GRIK1: variants seen among roughly 807,000 people sequenced by gnomAD.
The protein encoded by GRIK1 is glutamate receptor ionotropic, kainate 1.
Under a neutral mutation model 105.7 loss-of-function variants are expected in GRIK1, and 69 were observed. The ratio of observed to expected loss-of-function variants is 0.65; its 90% CI spans 0.54 to 0.80. GRIK1 has a LOEUF of 0.80. Among genes scored for constraint, GRIK1 ranks in the 30% least tolerant of loss-of-function variants. GRIK1 has a pLI of 0.00. For missense variants in GRIK1, 1,109 were observed against 1,167.3 expected, an observed-to-expected ratio of 0.95 and a Z score of 0.73; for synonymous variants, 438 against 431.3, an observed-to-expected ratio of 1.02 and a Z score of -0.19.
In GRIK1 at chr21:29,894,209, A is replaced by G. The variant is rs117279654; in HGVS notation, c.118+45174T>C. Among the ~76,000 whole-genome samples the G allele has an allele frequency of 1.6e-3, 248 of 152,290 alleles. 1 individual carries two copies. In the East Asian group the frequency reaches 0.033, roughly 20 times the overall value. Reference sequence around the variant, plus strand: ...TTAAGGAGAATTGACTCTCATGATCATAAGGTAAAGTCCCACGAGAGACCA... The same window carrying G: ...TTAAGGAGAATTGACTCTCATGATCGTAAGGTAAAGTCCCACGAGAGACCA... On this transcript the variant is annotated intron_variant, in intron 1 of 17. Transcript: ENST00000327783.
At chr21:29,730,665 C>T (rs1220988376) in intron 1 of GRIK1, among the ~76,000 whole-genome samples, 1 of 152,148 alleles carries the variant, frequency 6.6e-6, no homozygotes, top group Non-Finnish European at 1.5e-5. Flanking sequence ...TTCTCTTCCT[C>T]AGCCTGCTCC....
At chr21:29,882,978 T>C (rs2069478768) in intron 1 of GRIK1, among the ~76,000 whole-genome samples, 1 of 152,090 alleles carries the variant, frequency 6.6e-6, no homozygotes, top group Non-Finnish European at 1.5e-5. Flanking sequence ...CCAAGGTCCT[T>C]GAAACCAGAA....
chr21:29,770,601 T>G (rs1256110660), intron 1 of GRIK1, among the ~76,000 whole-genome samples: 3 of 152,228 alleles, frequency 2.0e-5, no homozygotes, highest in Non-Finnish European at 4.4e-5. Context: ...CCAACAGGAT[T>G]TTGATAAATG....
intron 1 of GRIK1, among the ~76,000 whole-genome samples, chr21:29,845,237 C>T (rs1265352149): frequency 6.6e-6 from 1 of 151,210 alleles, no homozygotes; most frequent in Admixed American, 6.6e-5. Flanking sequence ...GTTGAGTTCT[C>T]TTTTTCAGGA....
rs183110237 is a variant in GRIK1 at position 29,564,112 on chromosome 21, T to C, written c.2131-2263A>G. ...AGGAATCAACCTTCACATAGAAAAA[T>C]TTTATGAAACATTAAATTTTTTCAC... is the stretch of plus-strand genomic sequence containing the variant. On this transcript the variant is annotated intron_variant, in intron 14 of 17. Coordinates refer to ENST00000327783, the MANE Select transcript of GRIK1 (RefSeq NM_001330994.2). Among the ~76,000 whole-genome samples the C allele has an allele frequency of 2.0e-4, 30 of 152,292 alleles. No homozygotes were observed. The East Asian group carries it at 5.6e-3, about 28-fold the overall frequency.
intron 4 of GRIK1, among the ~76,000 whole-genome samples, chr21:29,666,152 C>G (rs1228409874): frequency 6.6e-6 from 1 of 152,100 alleles, no homozygotes; most frequent in Admixed American, 6.5e-5. Context: ...GCCTGTAATC[C>G]CAGCACTTTG....
rs549711735 is a variant in GRIK1, at chr21:29,860,251, C to A, written c.118+79132G>T. ...TAAGCCTTTTGACTGCTGGAAACCT[C>A]CTAGCTGCAGCTTGTGAGCCCTGGG... On this transcript the variant is annotated intron_variant, in intron 1 of 17. Transcript: ENST00000327783. 7.9e-5 allele frequency among the ~76,000 whole-genome samples: 12 copies of A among 152,300 alleles called. No homozygotes were observed. In the South Asian group the frequency reaches 2.5e-3, roughly 32 times the overall value.
In GRIK1 at chr21:29,878,180, T is replaced by G. The variant is rs557722470; in HGVS notation, c.118+61203A>C. Among the ~76,000 whole-genome samples, 157 of 152,266 alleles carry G rather than the reference T, an allele frequency of 1.0e-3. 1 individual carries two copies. The highest frequency in any genetic ancestry group is 3.5e-3 in the African/African-American group (145 of 41,564). ...TTGGTAGGAAAAGAGGAAAGTGGTC[T>G]GACTAGTGATTAAATGACTGCATTT... On this transcript the variant is annotated intron_variant, in intron 1 of 17. Transcript: ENST00000327783.
intron 7 of GRIK1, among the ~76,000 whole-genome samples, chr21:29,628,859 A>C (rs1322047890): frequency 1.3e-5 from 2 of 152,226 alleles, no homozygotes; most frequent in African/African-American, 4.8e-5. Flanking sequence ...TTATAGGTAA[A>C]CAATATGTTA....
chr21:29,554,099 A>G (rs2090188828), intron 16 of GRIK1, among the ~76,000 whole-genome samples: 1 of 152,164 alleles, frequency 6.6e-6, no homozygotes, highest in African/African-American at 2.4e-5. Flanking sequence ...CTATTATCAG[A>G]TTATTAATCA....
At chr21:29,748,691 A>G (rs2065105960) in intron 1 of GRIK1, 1 of 152,246 alleles carries the variant, frequency 6.6e-6, no homozygotes, top group Non-Finnish European at 1.5e-5. Flanking sequence ...GGGCCTACCA[A>G]GATAGTTATT....
At chr21:29,684,617 C>T (rs1020697919) in intron 3 of GRIK1, among the ~76,000 whole-genome samples, 4 of 152,130 alleles carry the variant, frequency 2.6e-5, no homozygotes, top group African/African-American at 9.7e-5. Context: ...ATGCCATTCT[C>T]CTGCCTCAGC....
intron 1 of GRIK1, among the ~76,000 whole-genome samples, chr21:29,805,995 TA>T (rs2066854182): frequency 6.6e-6 from 1 of 152,078 alleles, no homozygotes; most frequent in Non-Finnish European, 1.5e-5. Flanking sequence ...CACAGAGTAA[TA>T]AAAAACATGA....
At chr21:29,690,442 G>T (rs1034348157) in intron 2 of GRIK1, among the ~76,000 whole-genome samples, 1 of 152,214 alleles carries the variant, frequency 6.6e-6, no homozygotes, top group African/African-American at 2.4e-5. Flanking sequence ...ACTACAAAGT[G>T]CTTTAGCTCC....
chr21:29,629,844 T>G (rs111638539), intron 7 of GRIK1, among the ~76,000 whole-genome samples: 2,968 of 152,226 alleles, frequency 0.019, 36 homozygotes, highest in South Asian at 0.035. Context: ...AAGTTTGAAT[T>G]GTGGCCCAGT....
At position 29,596,564 on chromosome 21, in the gene GRIK1, C is replaced by A. The variant is rs752325028; in HGVS notation, c.1213G>T (p.Gly405Cys). Reference protein sequence around the residue: ...LKEEGTEKAAGEVSKHLYKVW... With the variant: ...LKEEGTEKAACEVSKHLYKVW... ...TTATACAAGTGTTTAGACACTTCGC[C>A]AGCAGCCTTGGTTTTCAGAGAGAAA... The change falls in exon 9 of 18, where the codon GGC becomes TGC. Residue 405 changes from glycine to cysteine, a missense_variant. Gly to Cys is a radical substitution (Grantham distance 159). Coordinates refer to ENST00000327783, the MANE Select transcript of GRIK1 (RefSeq NM_001330994.2). 6 of 1,608,830 alleles carry A rather than the reference C, an allele frequency of 3.7e-6. No individual in the cohort carries two copies. In the Admixed American group the frequency reaches 1.0e-4, roughly 27 times the overall value.
intron 7 of GRIK1, among the ~76,000 whole-genome samples, chr21:29,631,171 A>G (rs931082465): frequency 6.6e-6 from 1 of 152,180 alleles, no homozygotes; most frequent in African/African-American, 2.4e-5. Context: ...AAAAATGCAT[A>G]CAAGCAGCAG....
At chr21:29,883,814 A>T (rs1266299791) in intron 1 of GRIK1, among the ~76,000 whole-genome samples, 1 of 152,016 alleles carries the variant, frequency 6.6e-6, no homozygotes, top group East Asian at 1.9e-4. Flanking sequence ...ACATTTCAAA[A>T]TCTCCCAGCA....
chr21:29,866,338 T>C (rs1185960675), intron 1 of GRIK1, among the ~76,000 whole-genome samples: 2 of 152,094 alleles, frequency 1.3e-5, no homozygotes, highest in African/African-American at 2.4e-5. Flanking sequence ...AGTGCTGAGA[T>C]TACAGGTATG....
Sources: allele counts gnomAD v4.1 joint callset (sites outside exome capture counted in the v4.1 genomes callset), GRCh38; gene constraint gnomAD v4.1.1; transcripts MANE v1.5; gene names NCBI Gene and HGNC (gene_info 2026-07-23, HGNC 2026-07-21).